The following PTPN5 variants were observed in gnomAD, a reference collection of about 807,000 sequenced individuals.
The protein encoded by PTPN5 is protein tyrosine phosphatase non-receptor type 5.
In PTPN5, 29 loss-of-function variants were observed where a neutral mutation model predicts 73.9. The observed-to-expected ratio is 0.39, with a 90% confidence interval of 0.29 to 0.54. The LOEUF (loss-of-function observed/expected upper bound fraction) is 0.54. Among genes scored for constraint, PTPN5 ranks in the 20% least tolerant of loss-of-function variants. The pLI, the probability that PTPN5 is intolerant of heterozygous loss-of-function variation, is 0.65. For synonymous variants in PTPN5, 267 were observed against 304.7 expected (o/e 0.88, Z 1.29); for missense variants, 652 against 751.4 (o/e 0.87, Z 1.55).
At chr11:18,764,835 C>T (rs982013327) in intron 3 of PTPN5, among the ~76,000 whole-genome samples, 1 of 152,162 alleles carries the variant, frequency 6.6e-6, no homozygotes, top group Non-Finnish European at 1.5e-5. Flanking sequence ...GCCTCAGCCT[C>T]CCAAGTAGCT....
At chr11:18,745,701 T>G (rs1849588450) in intron 3 of PTPN5, among the ~76,000 whole-genome samples, 1 of 152,184 alleles carries the variant, frequency 6.6e-6, no homozygotes, top group Non-Finnish European at 1.5e-5. Flanking sequence ...ATGCCTGGAA[T>G]GTGCAGGGGC....
In PTPN5 at chr11:18,743,664, C is replaced by A. The variant is rs910418807; in HGVS notation, c.292-235G>T. On this transcript the variant is annotated intron_variant, in intron 4 of 14. Coordinates refer to ENST00000358540, the MANE Select transcript of PTPN5 (RefSeq NM_006906.2). ...AAGAGAAAGCCCTTTCCAGAGAGGA[C>A]CTCACAAATATGTACATCAAAAGAG... is the stretch of plus-strand genomic sequence containing the variant. The A allele has an allele frequency of 7.4e-5, 44 of 592,488 alleles. No individual in the cohort carries two copies. The South Asian group carries it at 8.7e-4, about 12-fold the overall frequency. 36.7% of individuals were successfully genotyped at this position (592,488 alleles called of 1,614,324 possible).
rs549217580 is a variant in PTPN5, at chr11:18,752,091, T to C, written c.98-7892A>G. Among the ~76,000 whole-genome samples, 126 of 151,870 alleles carry C rather than the reference T, an allele frequency of 8.3e-4. 1 individual carries two copies. The South Asian group carries it at 9.0e-3, about 11-fold the overall frequency. ...ACTAAAAACACAAAAATTAGTCAGGTGTGGTGGTGTGCGTCTGTAGTCCCA... is the reference window on the plus strand; with the variant it reads ...ACTAAAAACACAAAAATTAGTCAGGCGTGGTGGTGTGCGTCTGTAGTCCCA... On this transcript the variant is annotated intron_variant, in intron 3 of 14. Coordinates refer to ENST00000358540, the MANE Select transcript of PTPN5 (RefSeq NM_006906.2).
At chr11:18,759,374 A>G (rs1356850883) in intron 3 of PTPN5, among the ~76,000 whole-genome samples, 4 of 152,152 alleles carry the variant, frequency 2.6e-5, no homozygotes, top group Admixed American at 2.0e-4. Context: ...CAGCAGTTAG[A>G]TAATTTACCA....
Position 18,744,200 on chromosome 11 carries a change from C to G in PTPN5, c.98-1G>C, listed in dbSNP as rs748401389. On this transcript the variant is annotated splice_acceptor_variant, in intron 3 of 14. Coordinates refer to ENST00000358540, the MANE Select transcript of PTPN5 (RefSeq NM_006906.2). LOFTEE classifies it high-confidence loss of function. ...TCCATCACTATCGGCTGGGGGAGAC[C>G]TGTGGAAGATGGGCCATGCGGGCCG... The G allele has an allele frequency of 6.5e-7, 1 of 1,537,062 alleles. No homozygotes were observed. The highest frequency in any genetic ancestry group is 8.7e-7 in the Non-Finnish European group (1 of 1,145,688).
intron 1 of PTPN5, among the ~76,000 whole-genome samples, chr11:18,782,623 A>C (rs186595851): frequency 6.1e-4 from 93 of 152,340 alleles, no homozygotes; most frequent in Admixed American, 2.0e-3. Flanking sequence ...CAATGATAGA[A>C]ATTGGAATAA....
At chr11:18,789,897 TACTC>T (rs1470187910) in intron 1 of PTPN5, among the ~76,000 whole-genome samples, 16 of 152,070 alleles carry the variant, frequency 1.1e-4, no homozygotes, top group Non-Finnish European at 1.9e-4. Context: ...TTAAAGAACT[TACTC>T]ACGAAACCAA....
rs985073731 is a variant in PTPN5, at chr11:18,740,862, G to C, written c.726-70C>G. 8 of 1,099,966 alleles carry C rather than the reference G, an allele frequency of 7.3e-6. No homozygotes were observed. The East Asian group carries it at 2.3e-4, about 31-fold the overall frequency. 68.1% of individuals were successfully genotyped at this position (1,099,966 alleles called of 1,614,324 possible). A position where few individuals can be genotyped will look rare whatever the true frequency, so the allele number is the denominator to read the frequency against. On this transcript the variant is annotated intron_variant, in intron 7 of 14. Transcript: ENST00000358540. ...ACGGGCATGAGCTGGGGTCTCCAGG[G>C]CTGGGAAAATGAGGGAGGGAGAGAT...
intron 3 of PTPN5, chr11:18,749,318 A>C (rs1226126289): frequency 2.0e-6 from 1 of 504,224 alleles, no homozygotes; most frequent in Non-Finnish European, 4.0e-6. Flanking sequence ...TCCAGGCAAG[A>C]AAAATCAAGG....
intron 3 of PTPN5, among the ~76,000 whole-genome samples, chr11:18,751,803 G>C (rs571110278): frequency 1.3e-5 from 2 of 152,350 alleles, no homozygotes; most frequent in Admixed American, 6.5e-5. Flanking sequence ...TCCTGTGGTG[G>C]TCTTAAAATA....
In PTPN5 at chr11:18,742,133, C is replaced by G. The variant is rs1849389794; in HGVS notation, c.725+129G>C. 7.6e-6 allele frequency: 10 copies of G among 1,308,860 alleles called. No homozygotes were observed. The East Asian group carries it at 2.3e-4, about 30-fold the overall frequency. The allele number at this position is 1,308,860 out of a possible 1,614,324, so 81.1% of individuals were successfully genotyped here. On this transcript the variant is annotated intron_variant, in intron 7 of 14. Transcript: ENST00000358540. The surrounding 1 kb of genome is among the most constrained non-coding windows in gnomAD (Gnocchi z 4.1). ...TATGAATGACCTGGATAGCACATGT[C>G]TACACTGGCTAAGCTATAAGGCCAG...
intron 3 of PTPN5, among the ~76,000 whole-genome samples, chr11:18,758,817 T>C (rs1369962822): frequency 6.6e-6 from 1 of 152,216 alleles, no homozygotes; most frequent in Non-Finnish European, 1.5e-5. Context: ...TAAAAGGGCA[T>C]TGGCATCAAC....
rs144743350 is a variant in PTPN5, at chr11:18,743,741, C to T, written c.291+265G>A. The stretch of plus-strand genomic sequence containing the variant: ...CAGGAGTTCTCAGGAGAACCCTGTA[C>T]GGCTGGGAGCTCAGGGGTCGGGGAG... On this transcript the variant is annotated intron_variant, in intron 4 of 14. Transcript: ENST00000358540. 4.1e-4 allele frequency: 233 copies of T among 568,574 alleles called. 2 individuals are homozygous for T. The highest frequency in any genetic ancestry group is 3.5e-3 in the African/African-American group (188 of 53,378). 35.2% of individuals were successfully genotyped at this position (568,574 alleles called of 1,614,324 possible).
At chr11:18,754,418 C>G (rs1850036263) in intron 3 of PTPN5, among the ~76,000 whole-genome samples, 1 of 152,172 alleles carries the variant, frequency 6.6e-6, no homozygotes, top group African/African-American at 2.4e-5. Flanking sequence ...GCTGGTTCAC[C>G]AACATGACCT....
In PTPN5 at chr11:18,771,963, A is replaced by C. The variant is rs778495394; in HGVS notation, c.-5T>G. ...CCTGGCTCCCTCATAATTCATTCCC[A>C]AGGTGTCTGGATGGGGAAGGGTGCC... is the stretch of plus-strand genomic sequence containing the variant. On this transcript the variant is annotated 5_prime_UTR_variant, in exon 2 of 15. Transcript: ENST00000358540. 4 of 1,575,148 alleles carry C rather than the reference A, an allele frequency of 2.5e-6. No homozygotes were observed. Among genetic ancestry groups the C allele is most frequent in the Non-Finnish European group, 3.4e-6 (4 of 1,166,578 alleles).
At chr11:18,773,067 A>G (rs1451648549) in intron 1 of PTPN5, among the ~76,000 whole-genome samples, 2 of 151,972 alleles carry the variant, frequency 1.3e-5, no homozygotes, top group Admixed American at 6.5e-5. Flanking sequence ...AATTGACACA[A>G]AGCAGGACAC....
At chr11:18,732,248 T>C (rs1243363385) in intron 12 of PTPN5, among the ~76,000 whole-genome samples, 1 of 152,186 alleles carries the variant, frequency 6.6e-6, no homozygotes, top group African/African-American at 2.4e-5. Context: ...CCCTCAATTA[T>C]AAGCACAGTG....
chr11:18,781,323 C>CATTTTTTT (rs774528335), intron 1 of PTPN5, among the ~76,000 whole-genome samples: 3 of 114,428 alleles, frequency 2.6e-5, no homozygotes, highest in Admixed American at 1.1e-4. Context: ...TTTTTGACCA[C>CATTTTTTT]TTTTTTTTTT....
intron 7 of PTPN5, among the ~76,000 whole-genome samples, chr11:18,741,897 G>A (rs1401143832): frequency 2.6e-5 from 4 of 152,270 alleles, no homozygotes; most frequent in South Asian, 2.1e-4. Context: ...ATAGAGTTCC[G>A]TGGTCAAGTG....
Sources: allele counts gnomAD v4.1 joint callset (sites outside exome capture counted in the v4.1 genomes callset), GRCh38; gene constraint gnomAD v4.1.1; non-coding constraint Gnocchi (gnomAD v3.1); transcripts MANE v1.5; gene names NCBI Gene and HGNC (gene_info 2026-07-23, HGNC 2026-07-21).